The following PARP14 variants were observed in gnomAD, a reference collection of about 807,000 sequenced individuals.
The protein encoded by PARP14 is protein mono-ADP-ribosyltransferase PARP14.
PARP14 carries 59 observed loss-of-function variants against 154.2 expected under a neutral mutation model. That is an observed-to-expected ratio of 0.38 (90% CI 0.31 to 0.48). The LOEUF is 0.48. Ranked by LOEUF, PARP14 falls within the 20% of genes least tolerant of loss-of-function variation. The pLI is 0.98. For missense variants in PARP14, 1,734 were observed against 2,131.6 expected, an observed-to-expected ratio of 0.81 and a Z score of 3.67; for synonymous variants, 720 against 780.5, an observed-to-expected ratio of 0.92 and a Z score of 1.29.
chr3:122,684,552 C>T (rs1053099856), intron 1 of PARP14, among the ~76,000 whole-genome samples: 14 of 152,130 alleles, frequency 9.2e-5, no homozygotes, highest in Non-Finnish European at 1.5e-4. Context: ...TCTATGTCCA[C>T]TGTTCAGTTG....
intron 3 of PARP14, among the ~76,000 whole-genome samples, chr3:122,689,483 A>AT (rs1184659239): frequency 6.6e-6 from 1 of 151,892 alleles, no homozygotes; most frequent in Non-Finnish European, 1.5e-5. Context: ...AATTTTTAAC[A>AT]TTTTTTGTGG....
At chr3:122,695,134 G>A (rs1469823703) in intron 4 of PARP14, among the ~76,000 whole-genome samples, 1 of 152,224 alleles carries the variant, frequency 6.6e-6, no homozygotes, top group Non-Finnish European at 1.5e-5. Context: ...TGAGAAAGGG[G>A]TGAAATGAGA....
At chr3:122,704,472 G>T in intron 7 of PARP14, 55 bp from the exon 8 acceptor site, 2 of 1,134,050 alleles carry the variant, frequency 1.8e-6, no homozygotes. Context: ...TGTCCTTTTT[G>T]TTCTAACTCC....
intron 10 of PARP14, 24 bp downstream of exon 10, chr3:122,713,597 G>A (rs1413788239): frequency 6.2e-7 from 1 of 1,603,134 alleles, no homozygotes; most frequent in Non-Finnish European, 8.5e-7. Context: ...TTTGATGAGT[G>A]CAATAGTTAA....
chr3:122,689,278 C>T (rs1371543038), intron 3 of PARP14, among the ~76,000 whole-genome samples: 2 of 152,174 alleles, frequency 1.3e-5, no homozygotes, highest in African/African-American at 4.8e-5. Flanking sequence ...AGACATTTCA[C>T]GCATCACTCC....
At chr3:122,683,334 T>G (rs1938273472) in intron 1 of PARP14, 2 of 973,748 alleles carry the variant, frequency 2.1e-6, no homozygotes, top group Non-Finnish European at 2.4e-6. Context: ...CCTGATTTGA[T>G]TCATATAAAC....
intron 2 of PARP14, among the ~76,000 whole-genome samples, chr3:122,686,451 G>A (rs1432650701): frequency 5.4e-5 from 8 of 147,198 alleles, no homozygotes; most frequent in East Asian, 2.1e-4. Flanking sequence ...CACCACACCC[G>A]TCCTTAATTT....
chr3:122,719,489 G>T (rs1933103168), intron 14 of PARP14, among the ~76,000 whole-genome samples: 1 of 152,212 alleles, frequency 6.6e-6, no homozygotes, highest in Admixed American at 6.5e-5. Flanking sequence ...CAGGAAGCAG[G>T]CTTCAGATTC....
At position 122,687,113 on chromosome 3, in the gene PARP14, G is replaced by C; in HGVS notation, c.355G>C (p.Asp119His). Residue 119 changes from aspartate to histidine, a missense_variant and splice_region_variant, in exon 3 of 17, where the codon GAT becomes CAT. Around this residue, in one of 2 missense-constraint regions of PARP14, gnomAD observed 1,646 missense variants for 1,976.0 expected, o/e 0.83. Transcript: ENST00000474629. ...SKTKEDVKEPDVSEELDTKLP... is the reference protein window; with the variant it reads ...SKTKEDVKEPHVSEELDTKLP... ...GACCAAAGAAGATGTTAAAGAACCA[G>C]GTAAAATCTCAGTTGAGATGACTCT... 1.3e-6 allele frequency: 2 copies of C among 1,594,676 alleles called. No individual in the cohort carries two copies. Among genetic ancestry groups the C allele is most frequent in the Non-Finnish European group, 1.7e-6 (2 of 1,167,938 alleles).
chr3:122,714,796 T>TAGCTTC (rs962161043), intron 12 of PARP14, among the ~76,000 whole-genome samples: 4 of 152,222 alleles, frequency 2.6e-5, no homozygotes, highest in African/African-American at 9.6e-5. Flanking sequence ...ATGCAGTCCT[T>TAGCTTC]AGCTTCCTCC....
In PARP14 at chr3:122,730,823, A is replaced by G. The variant is rs1054627559; in HGVS notation, c.*2226A>G. On this transcript the variant is annotated 3_prime_UTR_variant, in exon 17 of 17. Transcript: ENST00000474629. The stretch of plus-strand genomic sequence containing the variant: ...TGTCATTTTGCTACTTTTCAAATAA[A>G]ATACTTGAAAACTGTCATTTAATGG... 1.3e-5 allele frequency: 2 copies of G among 152,634 alleles called. No homozygotes were observed. Among genetic ancestry groups the G allele is most frequent in the African/African-American group, 4.8e-5 (2 of 41,448 alleles). 9.5% of individuals were successfully genotyped at this position (152,634 alleles called of 1,614,324 possible).
Position 122,713,949 on chromosome 3 carries a change from A to AT in PARP14, c.3832+21dup. On this transcript the variant is annotated intron_variant, in intron 11 of 16. Transcript: ENST00000474629. ...TTCTCAGCAAGGTAAGGCATATTCT[A>AT]TTTTTTGGTCCTAAGTTGTAATTGT... The AT allele has an allele frequency of 6.2e-7, 1 of 1,603,516 alleles. No individual in the cohort carries two copies.
At chr3:122,713,328 A>T in intron 9 of PARP14, 96 bp from the exon 10 acceptor site, 1 of 917,832 alleles carries the variant, frequency 1.1e-6, no homozygotes, top group Non-Finnish European at 1.6e-6. Flanking sequence ...AGAGAGGGAG[A>T]GGGAAGACAT....
At chr3:122,720,602 T>C (rs950387507) in intron 15 of PARP14, 6 of 603,178 alleles carry the variant, frequency 9.9e-6, no homozygotes, top group African/African-American at 7.4e-5. Flanking sequence ...TTGATTGTAA[T>C]ATGATAGAAC....
In PARP14 at chr3:122,693,851, A is replaced by G. The variant is rs904473651; in HGVS notation, c.598+1308A>G. On this transcript the variant is annotated intron_variant, in intron 4 of 16. Coordinates refer to ENST00000474629, the MANE Select transcript of PARP14 (RefSeq NM_017554.3). Reference sequence around the variant, plus strand: ...GTGAGACCCCGTGTCTGAAAAAAAAAAAAAGAAAAGAAAAGAAAAAGAAAA... The same window carrying G: ...GTGAGACCCCGTGTCTGAAAAAAAAGAAAAGAAAAGAAAAGAAAAAGAAAA... Among the ~76,000 whole-genome samples, 3 of 148,160 alleles carry G rather than the reference A, an allele frequency of 2.0e-5. No homozygotes were observed. The South Asian group carries it at 6.3e-4, about 31-fold the overall frequency.
intron 3 of PARP14, 108 bp from the exon 4 acceptor site, chr3:122,692,193 C>A: frequency 3.6e-6 from 3 of 833,410 alleles, no homozygotes; most frequent in South Asian, 2.7e-5. Flanking sequence ...TGTGAGTTAG[C>A]CAAGAGATTG....
chr3:122,712,960 G>A (rs542559220), intron 9 of PARP14, among the ~76,000 whole-genome samples: 54 of 152,304 alleles, frequency 3.5e-4, no homozygotes, highest in Non-Finnish European at 7.5e-4. Context: ...TAAATATTAT[G>A]TTGTGAGACT....
In PARP14 at chr3:122,700,126, C is replaced by A. The variant is rs370071107; in HGVS notation, c.1572C>A (p.Ile524=). The A allele has an allele frequency of 6.2e-7, 1 of 1,613,672 alleles. No individual in the cohort carries two copies. The highest frequency in any genetic ancestry group is 1.3e-5 in the African/African-American group (1 of 75,034). The change falls in exon 6 of 17, where the codon ATC becomes ATA. Residue 524 remains isoleucine, a synonymous_variant. Transcript: ENST00000474629. ...ATGTGTATAAAGCAAAGTGTGAAAT[C>A]CAGGAAAAGGTGTACACCATGGCTC... ...SADVYKAKCE[I]QEKVYTMAQK...
Position 122,728,708 on chromosome 3 carries a change from G to T in PARP14, c.*111G>T. 4 of 809,626 alleles carry T rather than the reference G, an allele frequency of 4.9e-6. No homozygotes were observed. The highest frequency in any genetic ancestry group is 7.9e-6 in the Non-Finnish European group (4 of 504,306). The allele number at this position is 809,626 out of a possible 1,614,324, so 50.2% of individuals were successfully genotyped here. On this transcript the variant is annotated 3_prime_UTR_variant, in exon 17 of 17. Coordinates refer to ENST00000474629, the MANE Select transcript of PARP14 (RefSeq NM_017554.3). ...CTTAACAGATTTTTCTAATATCCAA[G>T]GATCATTCTTTGTCGCTGAAGTCAG...
Sources: allele counts gnomAD v4.1 joint callset (sites outside exome capture counted in the v4.1 genomes callset), GRCh38; gene constraint gnomAD v4.1.1; regional missense constraint gnomAD v4.1.1; transcripts MANE v1.5; gene names NCBI Gene and HGNC (gene_info 2026-07-23, HGNC 2026-07-21).